The following SMG1 variants were observed in gnomAD, a reference collection of about 807,000 sequenced individuals.
The protein encoded by SMG1 is SMG1 nonsense mediated mRNA decay associated PI3K related kinase.
A neutral mutation model predicts 419.9 loss-of-function variants in SMG1; 22 were observed. That is an observed-to-expected ratio of 0.05 (90% CI 0.04 to 0.07). The LOEUF is 0.07. Ranked by LOEUF, SMG1 falls within the 10% of genes least tolerant of loss-of-function variation. SMG1 has a pLI of 1.00. For synonymous variants in SMG1, 1,538 were observed against 1,553.5 expected, an observed-to-expected ratio of 0.99 and a Z score of 0.23; for missense variants, 3,185 against 4,342.0, an observed-to-expected ratio of 0.73 and a Z score of 7.49.
chr16:18,827,950 G>A (rs984564738), intron 55 of SMG1, 81 bp downstream of exon 55: 17 of 1,463,108 alleles, frequency 1.2e-5, no homozygotes, highest in Non-Finnish European at 1.6e-5. Flanking sequence ...TAGACACACT[G>A]AACAACAGAG....
chr16:18,887,218 C>A (rs1233811875), intron 6 of SMG1, among the ~76,000 whole-genome samples: 1 of 152,146 alleles, frequency 6.6e-6, no homozygotes, highest in Non-Finnish European at 1.5e-5. Flanking sequence ...AGAATTTTCA[C>A]AAGAGCTGGG....
rs2141395712 is a variant in SMG1 at position 18,852,102 on chromosome 16, G to A, written c.5017C>T (p.Leu1673Phe). The change falls in exon 33 of 63, where the codon CTT becomes TTT. Residue 1673 changes from leucine to phenylalanine, a missense_variant. Transcript: ENST00000446231. ...GCCGGCCGACACACAGCCTGTCCAA[G>A]AATACCATATATTCTCTCTTTCTCT... ...EEEKERIYGI[L>F]GQAVCRPAGI... 1 of 1,613,280 alleles carries A rather than the reference G, an allele frequency of 6.2e-7. No homozygotes were observed. The highest frequency in any genetic ancestry group is 1.3e-5 in the African/African-American group (1 of 74,936).
chr16:18,870,784 T>A lies in SMG1; in HGVS notation c.2390+17A>T, dbSNP rs764385115. On this transcript the variant is annotated intron_variant, in intron 17 of 62. Transcript: ENST00000446231. The stretch of plus-strand genomic sequence containing the variant: ...TTATTAGGGTTAATGTCAAAAGACA[T>A]GATCTTAATTTCATACCTCTGTAAA... The A allele has an allele frequency of 1.8e-5, 28 of 1,540,436 alleles. No individual in the cohort carries two copies. Among genetic ancestry groups the A allele is most frequent in the Non-Finnish European group, 2.4e-5 (27 of 1,131,048 alleles).
At chr16:18,811,559 G>C (rs1330352469) in intron 62 of SMG1, among the ~76,000 whole-genome samples, 1 of 152,188 alleles carries the variant, frequency 6.6e-6, no homozygotes, top group Non-Finnish European at 1.5e-5. Context: ...TAGGGGAAAG[G>C]AAAGTGCTCA....
At position 18,870,632 on chromosome 16, in the gene SMG1, T is replaced by C. The variant is rs377147039; in HGVS notation, c.2470A>G (p.Ile824Val). 5.6e-6 allele frequency: 9 copies of C among 1,602,644 alleles called. No homozygotes were observed. In the African/African-American group the frequency reaches 8.0e-5, roughly 14 times the overall value. Reference protein sequence around the residue: ...RQAFGKLLKSIPLDVVLSNNN... With the variant: ...RQAFGKLLKSVPLDVVLSNNN... ...TACCTTAGGACAACATCTAAAGGAA[T>C]TGATTTCAACAGTTTTCCAAATGCT... Residue 824 changes from isoleucine to valine, a missense_variant, in exon 18 of 63, where the codon ATT becomes GTT. Physicochemically the swap from Ile to Val is conservative, Grantham distance 29. Around this residue, in one of 27 missense-constraint regions of SMG1, gnomAD observed 297 missense variants for 491.0 expected, o/e 0.60. Coordinates refer to ENST00000446231, the MANE Select transcript of SMG1 (RefSeq NM_015092.5).
rs1491411422 is a variant in SMG1 at position 18,871,351 on chromosome 16, AAC to A, written c.2302+11_2302+12del. On this transcript the variant is annotated intron_variant, in intron 16 of 62. Coordinates refer to ENST00000446231, the MANE Select transcript of SMG1 (RefSeq NM_015092.5). ...TAAACAAAATAGAAAAAAAAAAAAAAACAGAGTCTTACTGTTGGCTAAAAGGC... is the reference window on the plus strand; with the variant it reads ...TAAACAAAATAGAAAAAAAAAAAAAAAGAGTCTTACTGTTGGCTAAAAGGC... 2.7e-5 allele frequency: 35 copies of A among 1,314,766 alleles called. No homozygotes were observed. In the African/African-American group the frequency reaches 4.3e-4, roughly 16 times the overall value. The allele number at this position is 1,314,766 out of a possible 1,614,324, so 81.4% of individuals were successfully genotyped here.
chr16:18,878,504 A>T (rs1253316525), intron 11 of SMG1: 1 of 151,362 alleles, frequency 6.6e-6, no homozygotes, highest in East Asian at 2.0e-4. Flanking sequence ...GATAGTCGGG[A>T]GGCTGAGTGG....
Position 18,870,870 on chromosome 16 carries a change from T to G in SMG1, c.2321A>C (p.Asn774Thr). Reference protein sequence around the residue: ...LLANTLVEDVNICLQACSSLH... With the variant: ...LLANTLVEDVTICLQACSSLH... ...ACTGCTGCATGCCTGCAGACAGATA[T>G]TCACATCTTCAACGAGAGCTATTAA... Residue 774 changes from asparagine to threonine, a missense_variant, in exon 17 of 63, where the codon AAT becomes ACT. Asn to Thr is a moderately conservative substitution (Grantham distance 65, BLOSUM62 0). Coordinates refer to ENST00000446231, the MANE Select transcript of SMG1 (RefSeq NM_015092.5). 1 of 1,567,806 alleles carries G rather than the reference T, an allele frequency of 6.4e-7. No homozygotes were observed. Among genetic ancestry groups the G allele is most frequent in the Non-Finnish European group, 8.7e-7 (1 of 1,153,674 alleles).
chr16:18,848,525 C>CA (rs1189626257), intron 36 of SMG1, among the ~76,000 whole-genome samples: 2 of 151,926 alleles, frequency 1.3e-5, no homozygotes, highest in Admixed American at 6.6e-5. Context: ...AGGCTGGTCT[C>CA]AAACTCCTGG....
rs187866054 is a variant in SMG1, at chr16:18,876,060, T to C, written c.1890+64A>G. On this transcript the variant is annotated intron_variant, in intron 13 of 62. Transcript: ENST00000446231. ...CATCTTGACATGACAGTGAAATACA[T>C]AAATATGTAATGAGAAAAGGCTTAA... is the stretch of plus-strand genomic sequence containing the variant. The C allele has an allele frequency of 1.1e-4, 177 of 1,548,848 alleles. No homozygotes were observed. In the African/African-American group the frequency reaches 2.0e-3, roughly 17 times the overall value.
rs753828342 is a variant in SMG1 at position 18,836,373 on chromosome 16, T to G, written c.7764A>C (p.Thr2588=). The G allele has an allele frequency of 3.7e-6, 6 of 1,613,838 alleles. No homozygotes were observed. In the Admixed American group the frequency reaches 6.7e-5, roughly 18 times the overall value. The part of the protein sequence containing the change: ...QLASLLQEIS[T]QMDLGPPSYV... The stretch of plus-strand genomic sequence containing the variant: ...GTCAACCCATACCAAGGTCCATTTG[T>G]GTGCTTATCTCTTGAAGCAAGCTTG... The change falls in exon 47 of 63, where the codon ACA becomes ACC. Residue 2588 remains threonine, a synonymous_variant. Transcript: ENST00000446231.
At chr16:18,811,186 T>C (rs2031362393) in intron 62 of SMG1, among the ~76,000 whole-genome samples, 1 of 152,182 alleles carries the variant, frequency 6.6e-6, no homozygotes, top group East Asian at 1.9e-4. Context: ...ATGAGGAACT[T>C]GGTGGTGGGA....
intron 58 of SMG1, 153 bp downstream of exon 58, chr16:18,816,149 G>T: frequency 1.5e-6 from 1 of 659,276 alleles, no homozygotes; most frequent in Non-Finnish European, 2.5e-6. Flanking sequence ...AATAGTTGAT[G>T]AAAACACAAG....
intron 51 of SMG1, among the ~76,000 whole-genome samples, chr16:18,830,705 C>G (rs1263053109): frequency 6.6e-6 from 1 of 152,052 alleles, no homozygotes; most frequent in East Asian, 1.9e-4. Context: ...CTAGGAGAAT[C>G]GCTTGAACCT....
At chr16:18,917,515 G>A (rs150813533) in intron 1 of SMG1, among the ~76,000 whole-genome samples, 34 of 151,896 alleles carry the variant, frequency 2.2e-4, no homozygotes, top group African/African-American at 8.0e-4. Context: ...TCTCTATATT[G>A]TTCCAATTAA....
At position 18,842,236 on chromosome 16, in the gene SMG1, A is replaced by G. The variant is rs772862244; in HGVS notation, c.6438T>C (p.Asp2146=). ...TGAAAAGATAAGGATAGCTCTTCCC[A>G]TCTGATCCAAGAAAGAGAAGTTTCT... is the stretch of plus-strand genomic sequence containing the variant. The part of the protein sequence containing the change: ...KPKKLLFLGS[D]GKSYPYLFKG... The change falls in exon 40 of 63, where the codon GAT becomes GAC. Residue 2146 remains aspartate, a synonymous_variant. Coordinates refer to ENST00000446231, the MANE Select transcript of SMG1 (RefSeq NM_015092.5). 16 of 1,613,974 alleles carry G rather than the reference A, an allele frequency of 9.9e-6. No individual in the cohort carries two copies. Among genetic ancestry groups the G allele is most frequent in the Non-Finnish European group, 1.4e-5 (16 of 1,179,860 alleles).
chr16:18,872,739 T>C lies in SMG1; in HGVS notation c.1891-115A>G, dbSNP rs1162267350. 4.5e-6 allele frequency: 4 copies of C among 888,816 alleles called. No individual in the cohort carries two copies. In the African/African-American group the frequency reaches 6.7e-5, roughly 15 times the overall value. 55.1% of individuals were successfully genotyped at this position (888,816 alleles called of 1,614,324 possible). ...ACATTTTTAAATTAAAATTACAGAC[T>C]GCAAGGGATCTAGTACACTAAACCT... is the stretch of plus-strand genomic sequence containing the variant. On this transcript the variant is annotated intron_variant, in intron 13 of 62. Coordinates refer to ENST00000446231, the MANE Select transcript of SMG1 (RefSeq NM_015092.5).
rs762810314 is a variant in SMG1 at position 18,872,580 on chromosome 16, A to C, written c.1935T>G (p.Asn645Lys). The change falls in exon 14 of 63, where the codon AAT (asparagine) becomes AAG (lysine). Residue 645 changes from asparagine (N) to lysine (K), a missense_variant. By Grantham distance (94) the Asn-to-Lys change is moderately conservative. Coordinates refer to ENST00000446231, the MANE Select transcript of SMG1 (RefSeq NM_015092.5). ...CCAGGTCACTGTGCACAATCATCAG[A>C]TTCTTACTCAGAAGTGCAAAGACAG... ...SPTVFALLSKNLMIVHSDLAV... is the reference protein window; with the variant it reads ...SPTVFALLSKKLMIVHSDLAV... The C allele has an allele frequency of 1.8e-5, 27 of 1,489,808 alleles. No homozygotes were observed. Among genetic ancestry groups the C allele is most frequent in the Non-Finnish European group, 2.3e-5 (25 of 1,108,028 alleles). 92.3% of individuals were successfully genotyped at this position (1,489,808 alleles called of 1,614,324 possible).
At chr16:18,881,362 A>T (rs2036388901) in intron 10 of SMG1, among the ~76,000 whole-genome samples, 1 of 136,254 alleles carries the variant, frequency 7.3e-6, no homozygotes, top group African/African-American at 2.5e-5. Flanking sequence ...TTAAAATACC[A>T]ATATGCTGGT....
Sources: allele counts gnomAD v4.1 joint callset (sites outside exome capture counted in the v4.1 genomes callset), GRCh38; gene constraint gnomAD v4.1.1; regional missense constraint gnomAD v4.1.1; transcripts MANE v1.5; gene names NCBI Gene and HGNC (gene_info 2026-07-23, HGNC 2026-07-21).